The following IL1B variants were observed in gnomAD, a reference collection of about 807,000 sequenced individuals.
The protein encoded by IL1B is interleukin 1 beta, also known as interleukin-1 beta.
Under a neutral mutation model 26.2 loss-of-function variants are expected in IL1B, and 11 were observed. That is an observed-to-expected ratio of 0.42 (90% confidence interval 0.26 to 0.70). IL1B has a LOEUF of 0.70. Ranked by LOEUF, IL1B falls within the 30% of genes least tolerant of loss-of-function variation. IL1B has a pLI of 0.25. For missense variants in IL1B, 255 were observed against 327.5 expected, an observed-to-expected ratio of 0.78 and a Z score of 1.71; for synonymous variants, 118 against 120.8, an observed-to-expected ratio of 0.98 and a Z score of 0.15.
intron 5 of IL1B, among the ~76,000 whole-genome samples, chr2:112,832,369 C>T (rs1427247683): frequency 6.6e-6 from 1 of 152,000 alleles, no homozygotes; most frequent in East Asian, 1.9e-4. Context: ...ATCAAATGAC[C>T]CCATATTGTG....
intron 6 of IL1B, among the ~76,000 whole-genome samples, chr2:112,830,832 C>G (rs935513171): frequency 6.6e-6 from 1 of 151,534 alleles, no homozygotes; most frequent in Non-Finnish European, 1.5e-5. Context: ...GAAAATTAAG[C>G]TAGAGCTTCT....
chr2:112,836,327 G>T, intron 1 of IL1B, 83 bp from the exon 2 acceptor site: 1 of 959,014 alleles, frequency 1.0e-6, no homozygotes, highest in Non-Finnish European at 1.7e-6. Context: ...GTGCATGGCA[G>T]TCATGCAAAG....
intron 1 of IL1B, 129 bp downstream of exon 1, chr2:112,836,579 C>A: frequency 1.4e-5 from 4 of 294,322 alleles, no homozygotes; most frequent in South Asian, 3.1e-5. Context: ...GAGAGGGAGG[C>A]AGAGAGGGAA....
Position 112,836,193 on chromosome 2 carries a change from C to T in IL1B, c.37G>A (p.Ala13Thr), listed in dbSNP as rs1029215579. The T allele has an allele frequency of 6.2e-7, 1 of 1,613,550 alleles. No homozygotes were observed. Among genetic ancestry groups the T allele is most frequent in the African/African-American group, 1.3e-5 (1 of 74,938 alleles). Reference protein sequence around the residue: ...EVPELASEMMAYYSGNEDDLF... With the variant: ...EVPELASEMMTYYSGNEDDLF... Reference sequence around the variant, plus strand: ...AGCGTCTCCACTGACCTGTAATAAGCCATCATTTCACTGGCGAGCTCAGGT... The same window carrying T: ...AGCGTCTCCACTGACCTGTAATAAGTCATCATTTCACTGGCGAGCTCAGGT... Residue 13 changes from alanine (A) to threonine (T), a missense_variant, in exon 2 of 7, where the codon GCT becomes ACT. Ala to Thr is a moderately conservative substitution (Grantham distance 58). Coordinates refer to ENST00000263341, the MANE Select transcript of IL1B (RefSeq NM_000576.3).
At chr2:112,835,761 A>G in intron 2 of IL1B, 144 bp from the exon 3 acceptor site, 1 of 758,774 alleles carries the variant, frequency 1.3e-6, no homozygotes, top group South Asian at 1.5e-5. Flanking sequence ...CAAGTTTCAC[A>G]GTGATATGCG....
rs767825199 is a variant in IL1B, at chr2:112,832,767, A to G, written c.361T>C (p.Ser121Pro). Reference sequence around the variant, plus strand: ...GAGTCCCGGAGCGTGCAGTTCAGTGATCGTACAGGTGCATCGTGCACATAA... The same window carrying G: ...GAGTCCCGGAGCGTGCAGTTCAGTGGTCGTACAGGTGCATCGTGCACATAA... Reference protein sequence around the residue: ...EAYVHDAPVRSLNCTLRDSQQ... With the variant: ...EAYVHDAPVRPLNCTLRDSQQ... The change falls in exon 5 of 7, where the codon TCA becomes CCA. Residue 121 changes from serine to proline, a missense_variant. Ser to Pro is a moderately conservative substitution (Grantham distance 74). Transcript: ENST00000263341. The G allele has an allele frequency of 1.2e-6, 2 of 1,614,186 alleles. No individual in the cohort carries two copies. Among genetic ancestry groups the G allele is most frequent in the Admixed American group, 3.3e-5 (2 of 60,020 alleles).
rs1681984577 is a variant in IL1B at position 112,831,412 on chromosome 2, G to A, written c.477C>T (p.Ser159=). 1 of 1,613,482 alleles carries A rather than the reference G, an allele frequency of 6.2e-7. No individual in the cohort carries two copies. Among genetic ancestry groups the A allele is most frequent in the African/African-American group, 1.3e-5 (1 of 74,882 alleles). Residue 159 remains serine (S), a synonymous_variant, in exon 6 of 7, where the codon TCC becomes TCT. Coordinates refer to ENST00000263341, the MANE Select transcript of IL1B (RefSeq NM_000576.3). The stretch of plus-strand genomic sequence containing the variant: ...TTTCTTCTCCTTGTACAAAGGACAT[G>A]GAGAACACCACTGAAGAAAGAAGGG... The part of the protein sequence containing the change: ...GQDMEQQVVF[S]MSFVQGEESN...
At chr2:112,832,173 C>T (rs190308622) in intron 5 of IL1B, among the ~76,000 whole-genome samples, 16 of 152,094 alleles carry the variant, frequency 1.1e-4, no homozygotes, top group Non-Finnish European at 1.8e-4. Flanking sequence ...CCCGTTACAG[C>T]GGAGAGATAT....
intron 6 of IL1B, 43 bp downstream of exon 6, chr2:112,831,249 A>G (rs1681981572): frequency 6.2e-7 from 1 of 1,611,892 alleles, no homozygotes; most frequent in Non-Finnish European, 8.5e-7. Context: ...AATAAGTGGT[A>G]GCAGGAGGCT....
chr2:112,835,226 C>T (rs1682067192), intron 3 of IL1B: 1 of 387,024 alleles, frequency 2.6e-6, no homozygotes, highest in Non-Finnish European at 4.9e-6. Context: ...CAGAGTTTAA[C>T]TCAAGTGATT....
At chr2:112,831,536 G>A in intron 5 of IL1B, 114 bp from the exon 6 acceptor site, 3 of 1,198,546 alleles carry the variant, frequency 2.5e-6, no homozygotes, top group Non-Finnish European at 2.4e-6. Flanking sequence ...GGAACCCACA[G>A]TGAGGTTCCT....
At chr2:112,832,415 G>T (rs1223750671) in intron 5 of IL1B, among the ~76,000 whole-genome samples, 1 of 152,114 alleles carries the variant, frequency 6.6e-6, no homozygotes, top group Non-Finnish European at 1.5e-5. Context: ...AAGAGACTTG[G>T]GTGGACATGG....
Position 112,831,315 on chromosome 2 carries a change from C to A in IL1B, c.574G>T (p.Asp192Tyr). ...NLYLSCVLKD[D>Y]KPTLQLESVD... ...ACCTCCAGCTGTAGAGTGGGCTTATCATCTTTCAACACGCAGGACAGGTAC... is the reference window on the plus strand; with the variant it reads ...ACCTCCAGCTGTAGAGTGGGCTTATAATCTTTCAACACGCAGGACAGGTAC... The change falls in exon 6 of 7, where the codon GAT becomes TAT. Residue 192 changes from aspartate to tyrosine, a missense_variant. Coordinates refer to ENST00000263341, the MANE Select transcript of IL1B (RefSeq NM_000576.3). The A allele has an allele frequency of 1.2e-6, 2 of 1,613,992 alleles. No homozygotes were observed. The highest frequency in any genetic ancestry group is 2.2e-5 in the South Asian group (2 of 91,066).
rs895457118 is a variant in IL1B at position 112,830,024 on chromosome 2, G to T, written c.*337C>A. On this transcript the variant is annotated 3_prime_UTR_variant, in exon 7 of 7. Transcript: ENST00000263341. ...CAAATAAATAAATAAATAGGGAAGC[G>T]GTTGCTCATCAGAATGTGGGAGCGA... 3.9e-6 allele frequency: 1 copy of T among 253,670 alleles called. No individual in the cohort carries two copies. Among genetic ancestry groups the T allele is most frequent in the Non-Finnish European group, 7.6e-6 (1 of 130,726 alleles). The allele number at this position is 253,670 out of a possible 1,614,324, so 15.7% of individuals were successfully genotyped here.
At chr2:112,833,929 G>A (rs1029666504) in intron 3 of IL1B, among the ~76,000 whole-genome samples, 3 of 152,068 alleles carry the variant, frequency 2.0e-5, no homozygotes, top group African/African-American at 7.3e-5. Flanking sequence ...GGAGGTGGAG[G>A]ATGCAGTAAG....
Position 112,832,846 on chromosome 2 carries a change from T to A in IL1B, c.302-20A>T. ...TAGGTTCTGAAATGTGGAGCACATG[T>A]TGTTTAGGTATAAAATCAGAAGGGC... On this transcript the variant is annotated intron_variant, in intron 4 of 6. Transcript: ENST00000263341. 1 of 1,613,984 alleles carries A rather than the reference T, an allele frequency of 6.2e-7. No homozygotes were observed. The highest frequency in any genetic ancestry group is 8.5e-7 in the Non-Finnish European group (1 of 1,179,856).
At position 112,830,583 on chromosome 2, in the gene IL1B, A is replaced by C; in HGVS notation, c.598-10T>G. 6.3e-7 allele frequency: 1 copy of C among 1,597,282 alleles called. No individual in the cohort carries two copies. Among genetic ancestry groups the C allele is most frequent in the Non-Finnish European group, 8.6e-7 (1 of 1,165,010 alleles). On this transcript the variant is annotated splice_polypyrimidine_tract_variant and intron_variant, in intron 6 of 6. Transcript: ENST00000263341. ...TTTTGGGATCTACACTCTGCAGCGA[A>C]AGAGAAAGAAGAATTTTTGTGGGGC...
chr2:112,830,355 C>T lies in IL1B; in HGVS notation c.*6G>A. The T allele has an allele frequency of 3.1e-6, 5 of 1,612,204 alleles. No homozygotes were observed. Among genetic ancestry groups the T allele is most frequent in the Non-Finnish European group, 4.2e-6 (5 of 1,178,260 alleles). On this transcript the variant is annotated 3_prime_UTR_variant, in exon 7 of 7. Transcript: ENST00000263341. ...TCAGCACAGGACTCTCTGGGTACAGCTCTCTTTAGGAAGACACAAATTGCA... is the reference window on the plus strand; with the variant it reads ...TCAGCACAGGACTCTCTGGGTACAGTTCTCTTTAGGAAGACACAAATTGCA...
At chr2:112,834,294 C>T (rs1254407713) in intron 3 of IL1B, among the ~76,000 whole-genome samples, 1 of 152,222 alleles carries the variant, frequency 6.6e-6, no homozygotes, top group Non-Finnish European at 1.5e-5. Context: ...ATGCAGATGA[C>T]CATAACATTT....
Sources: gnomAD v4.1 joint callset for allele counts (sites outside exome capture counted in the v4.1 genomes callset) on GRCh38, gnomAD v4.1.1 for gene constraint, MANE v1.5 for transcripts, NCBI Gene and HGNC (gene_info 2026-07-23, HGNC 2026-07-21) for gene names.